CFDP1: variants seen among roughly 807,000 people sequenced by gnomAD.
CFDP1 encodes the protein chromatin remodeling protein CFDP1.
A neutral mutation model predicts 40.1 loss-of-function variants in CFDP1; 31 were observed. That is an observed-to-expected ratio of 0.77 (90% CI 0.58 to 1.04). The LOEUF (loss-of-function observed/expected upper bound fraction) is 1.04. Among genes scored for constraint, CFDP1 ranks in the 50% least tolerant of loss-of-function variants. The pLI is 0.00. For synonymous variants in CFDP1, 167 were observed against 120.0 expected, an observed-to-expected ratio of 1.39 and a Z score of -2.56; for missense variants, 423 against 343.4, an observed-to-expected ratio of 1.23 and a Z score of -1.83.
At position 75,416,103 on chromosome 16, in the gene CFDP1, T is replaced by C. The variant is rs567948006; in HGVS notation, c.65-1408A>G. Among the ~76,000 whole-genome samples the C allele has an allele frequency of 2.2e-3, 332 of 152,258 alleles. 3 individuals carry two copies. The highest frequency in any genetic ancestry group is 6.8e-3 in the Middle Eastern group (2 of 294). On this transcript the variant is annotated intron_variant, in intron 1 of 6. Coordinates refer to ENST00000283882, the MANE Select transcript of CFDP1 (RefSeq NM_006324.3). ...CTGACCTCAGGTGATCCAGCCGCCT[T>C]GGCCTCCCAAAGTGCTGCGATTACA...
intron 5 of CFDP1, among the ~76,000 whole-genome samples, chr16:75,363,942 A>AACACACACACACACAC (rs10635711): frequency 0.011 from 1,550 of 142,894 alleles, 24 homozygotes; most frequent in South Asian, 0.048. Context: ...AAAGAGGTGA[A>AACACACACACACACAC]ACACACACAC....
At chr16:75,411,018 A>G (rs1350079982) in intron 4 of CFDP1, among the ~76,000 whole-genome samples, 1 of 152,058 alleles carries the variant, frequency 6.6e-6, no homozygotes, top group Non-Finnish European at 1.5e-5. Context: ...CAGGAGTTCA[A>G]GACCAGCCTG....
intron 5 of CFDP1, among the ~76,000 whole-genome samples, chr16:75,309,049 T>C (rs538631591): frequency 6.6e-6 from 1 of 152,144 alleles, no homozygotes; most frequent in Admixed American, 6.5e-5. Context: ...GTCTTTTATT[T>C]GAGGCTAAAT....
intron 5 of CFDP1, among the ~76,000 whole-genome samples, chr16:75,393,687 C>T (rs574467935): frequency 3.3e-4 from 45 of 134,612 alleles, no homozygotes; most frequent in African/African-American, 4.9e-4. Flanking sequence ...GCCGAGATTG[C>T]GCCACTGCAG....
chr16:75,396,965 G>C (rs2078999233), intron 4 of CFDP1, among the ~76,000 whole-genome samples: 1 of 152,068 alleles, frequency 6.6e-6, no homozygotes, highest in African/African-American at 2.4e-5. Flanking sequence ...CTAGGCTGGA[G>C]TGCAGTGGCG....
chr16:75,431,383 G>A (rs1303312727), intron 1 of CFDP1, among the ~76,000 whole-genome samples: 1 of 137,150 alleles, frequency 7.3e-6, no homozygotes, highest in African/African-American at 2.7e-5. Flanking sequence ...GAACCCGGGA[G>A]GCAGAGCTTG....
At chr16:75,390,896 A>G (rs537409025) in intron 5 of CFDP1, among the ~76,000 whole-genome samples, 1 of 152,298 alleles carries the variant, frequency 6.6e-6, no homozygotes, top group African/African-American at 2.4e-5. Context: ...AGGCCACACC[A>G]ATATTTGTAT....
chr16:75,293,969 T>C lies in CFDP1; in HGVS notation c.883A>G (p.Ser295Gly). The C allele has an allele frequency of 6.2e-7, 1 of 1,614,110 alleles. No individual in the cohort carries two copies. The highest frequency in any genetic ancestry group is 8.5e-7 in the Non-Finnish European group (1 of 1,179,998). Residue 295 changes from serine (S) to glycine (G), a missense_variant, in exon 7 of 7, where the codon AGC becomes GGC. By Grantham distance (56) the Ser-to-Gly change is moderately conservative (BLOSUM62 0). Transcript: ENST00000283882. ...CCGTAACATCAAGGTTTCATTTTGCTCAGCCTGAGATCTCGCTCAATTTCA... is the reference window on the plus strand; with the variant it reads ...CCGTAACATCAAGGTTTCATTTTGCCCAGCCTGAGATCTCGCTCAATTTCA... The part of the protein sequence containing the change: ...QFEIERDLRL[S>G]KMKP
intron 5 of CFDP1, 62 bp downstream of exon 5, chr16:75,395,028 A>G: frequency 6.2e-7 from 1 of 1,600,606 alleles, no homozygotes; most frequent in South Asian, 1.1e-5. Context: ...GAAAGTAGGT[A>G]TTTGCACTGA....
intron 5 of CFDP1, among the ~76,000 whole-genome samples, chr16:75,392,240 C>T (rs1375293868): frequency 6.6e-6 from 1 of 151,808 alleles, no homozygotes; most frequent in East Asian, 2.0e-4. Flanking sequence ...CCCATCTCTA[C>T]TAAAAATACA....
In CFDP1 at chr16:75,334,567, G is replaced by A. The variant is rs549090816; in HGVS notation, c.651-29385C>T. Among the ~76,000 whole-genome samples the A allele has an allele frequency of 3.9e-5, 6 of 151,932 alleles. No homozygotes were observed. In the East Asian group the frequency reaches 1.2e-3, roughly 29 times the overall value. ...GGAGGAAGAGAGAAGGGTGACTTAG[G>A]CATAAGTCTCTTGCCCCTCTTTTAC... On this transcript the variant is annotated intron_variant, in intron 5 of 6. Transcript: ENST00000283882.
chr16:75,300,149 G>A (rs1164356875), intron 6 of CFDP1, among the ~76,000 whole-genome samples: 3 of 152,198 alleles, frequency 2.0e-5, no homozygotes, highest in Non-Finnish European at 2.9e-5. Flanking sequence ...AGCAGGGAGC[G>A]GAGCAGATGT....
intron 5 of CFDP1, chr16:75,372,533 A>G (rs562256893): frequency 6.6e-6 from 1 of 152,178 alleles, no homozygotes; most frequent in Non-Finnish European, 1.5e-5. Context: ...TAAAAACAAA[A>G]AGCAGATCAA....
intron 1 of CFDP1, among the ~76,000 whole-genome samples, chr16:75,421,798 C>T (rs899185386): frequency 1.3e-5 from 2 of 152,172 alleles, no homozygotes; most frequent in Non-Finnish European, 2.9e-5. Flanking sequence ...CAAAAATCCT[C>T]GACAAAATAC....
chr16:75,370,879 T>TA (rs921731149), intron 5 of CFDP1, among the ~76,000 whole-genome samples: 111 of 152,012 alleles, frequency 7.3e-4, no homozygotes, highest in Non-Finnish European at 2.4e-4. Flanking sequence ...AAAAAAGAAT[T>TA]AAAAAAAACT....
chr16:75,321,647 T>C (rs2151510058), intron 5 of CFDP1, among the ~76,000 whole-genome samples: 1 of 152,276 alleles, frequency 6.6e-6, no homozygotes. Context: ...GAAGGGGCTT[T>C]ATGGGCCCAA....
intron 5 of CFDP1, among the ~76,000 whole-genome samples, chr16:75,382,165 G>A (rs1034530665): frequency 6.6e-6 from 1 of 151,436 alleles, no homozygotes; most frequent in Non-Finnish European, 1.5e-5. Context: ...GTCTTACTGA[G>A]AAGGGGTATT....
chr16:75,433,298 C>T lies in CFDP1; in HGVS notation c.55G>A (p.Val19Met). The T allele has an allele frequency of 3.7e-6, 6 of 1,600,170 alleles. No homozygotes were observed. Among genetic ancestry groups the T allele is most frequent in the Admixed American group, 1.7e-5 (1 of 59,062 alleles). ...FSTSEEDEDY[V>M]PSGGEYSEDD... ...AGGCGGAATCGCTCACCCGACGGCA[C>T]GTAGTCCTCGTCCTCCTCCGACGTA... The change falls in exon 1 of 7, where the codon GTG becomes ATG. Residue 19 changes from valine (V) to methionine (M), a missense_variant. Transcript: ENST00000283882.
rs1383222178 is a variant in CFDP1, at chr16:75,382,153, C to G, written c.650+12937G>C. On this transcript the variant is annotated intron_variant, in intron 5 of 6. Transcript: ENST00000283882. ...AAAAAAAAAAAGCTCAGAGGCATAC[C>G]AGTCTTACTGAGAAGGGGTATTCTG... 4.6e-5 allele frequency among the ~76,000 whole-genome samples: 7 copies of G among 151,600 alleles called. 1 individual carries two copies. In the South Asian group the frequency reaches 8.4e-4, roughly 18 times the overall value.
Sources: allele counts gnomAD v4.1 joint callset (sites outside exome capture counted in the v4.1 genomes callset), GRCh38; gene constraint gnomAD v4.1.1; transcripts MANE v1.5; gene names NCBI Gene and HGNC (gene_info 2026-07-23, HGNC 2026-07-21).